Variants in CENPO observed in about 807,000 individuals in gnomAD.
The protein encoded by CENPO is centromere protein O.
CENPO carries 30 observed loss-of-function variants against 36.1 expected under a neutral mutation model. The ratio of observed to expected loss-of-function variants is 0.83; its 90% CI spans 0.62 to 1.13. CENPO has a LOEUF of 1.13. CENPO is among the 50% of genes most tolerant of loss of function. The pLI is 0.00. For synonymous variants in CENPO, 171 were observed against 142.3 expected (o/e 1.20, Z -1.44); for missense variants, 349 against 357.8 (o/e 0.98, Z 0.20).
intron 4 of CENPO, among the ~76,000 whole-genome samples, chr2:24,814,945 A>G (rs1191998108): frequency 6.6e-6 from 1 of 152,224 alleles, no homozygotes; most frequent in Non-Finnish European, 1.5e-5. Context: ...AGAAATAAAG[A>G]ATAGCTATAA....
In CENPO at chr2:24,811,282, C is replaced by CTTTT. The variant is rs70947848; in HGVS notation, c.217-3080_217-3077dup. Among the ~76,000 whole-genome samples, 38 of 105,550 alleles carry CTTTT rather than the reference C, an allele frequency of 3.6e-4. 1 individual carries two copies. Among genetic ancestry groups the CTTTT allele is most frequent in the Admixed American group, 2.5e-4 (2 of 8,148 alleles). 69.2% of individuals were successfully genotyped at this position (105,550 alleles called of 152,430 possible). A position where few individuals can be genotyped will look rare whatever the true frequency, so the allele number is the denominator to read the frequency against. The stretch of plus-strand genomic sequence containing the variant: ...TTAATTGGAGTATTTAGTCCATGAA[C>CTTTT]TTTTTTTTTTTTTTTTTGAGACGGA... On this transcript the variant is annotated intron_variant, in intron 3 of 7. Coordinates refer to ENST00000380834, the MANE Select transcript of CENPO (RefSeq NM_001322101.2).
intron 6 of CENPO, 124 bp from the exon 7 acceptor site, chr2:24,817,546 G>C (rs920708123): frequency 1.6e-6 from 2 of 1,249,640 alleles, no homozygotes; most frequent in Admixed American, 4.0e-5. Context: ...CACTGAGTGA[G>C]ATTGAATGTC....
intron 3 of CENPO, 58 bp downstream of exon 3, chr2:24,799,902 G>A: frequency 6.4e-7 from 1 of 1,572,738 alleles, no homozygotes; most frequent in Non-Finnish European, 8.7e-7. Context: ...AACGTGATTT[G>A]GGAATTGGTG....
intron 5 of CENPO, 144 bp downstream of exon 5, chr2:24,815,900 A>G (rs1047339986): frequency 6.6e-6 from 5 of 759,610 alleles, no homozygotes; most frequent in Non-Finnish European, 8.4e-6. Flanking sequence ...TATTTATATA[A>G]AAGCACTATC....
intron 3 of CENPO, among the ~76,000 whole-genome samples, chr2:24,807,967 G>A (rs1316547484): frequency 2.0e-5 from 3 of 152,170 alleles, no homozygotes; most frequent in Non-Finnish European, 4.4e-5. Context: ...TTTTTATTAG[G>A]TTGTCCATCT....
Position 24,819,961 on chromosome 2 carries a change from G to T in CENPO, c.*643G>T. 2 of 1,613,956 alleles carry T rather than the reference G, an allele frequency of 1.2e-6. No individual in the cohort carries two copies. The highest frequency in any genetic ancestry group is 1.7e-6 in the Non-Finnish European group (2 of 1,179,920). ...GAGTTGTCCACCACCTGGTGGGGCA[G>T]TGTGACAGAGGGGCCATTGGGGAAG... On this transcript the variant is annotated 3_prime_UTR_variant, in exon 8 of 8. Coordinates refer to ENST00000380834, the MANE Select transcript of CENPO (RefSeq NM_001322101.2).
At position 24,820,127 on chromosome 2, in the gene CENPO, G is replaced by A. The variant is rs185920316; in HGVS notation, c.*809G>A. 17 of 1,533,014 alleles carry A rather than the reference G, an allele frequency of 1.1e-5. No individual in the cohort carries two copies. The Admixed American group carries it at 1.2e-4, about 11-fold the overall frequency. 95.0% of individuals were successfully genotyped at this position (1,533,014 alleles called of 1,614,324 possible). On this transcript the variant is annotated 3_prime_UTR_variant, in exon 8 of 8. Transcript: ENST00000380834. ...TTTCTTCTACCACCTGGAGAGGGAG[G>A]GGGAGCAAGAACGTGGCGTTACGGG... is the stretch of plus-strand genomic sequence containing the variant.
chr2:24,817,925 C>A, intron 7 of CENPO, 84 bp downstream of exon 7: 1 of 1,106,652 alleles, frequency 9.0e-7, no homozygotes, highest in Non-Finnish European at 1.3e-6. Context: ...AAAACAGACA[C>A]CTACCTGTTC....
At chr2:24,804,038 G>A (rs534871988) in intron 3 of CENPO, among the ~76,000 whole-genome samples, 38 of 152,286 alleles carry the variant, frequency 2.5e-4, no homozygotes, top group Middle Eastern at 3.4e-3. Context: ...ATATATTTAG[G>A]ATAGTTAGCT....
At chr2:24,802,722 T>C (rs1371520009) in intron 3 of CENPO, among the ~76,000 whole-genome samples, 2 of 152,320 alleles carry the variant, frequency 1.3e-5, no homozygotes, top group East Asian at 1.9e-4. Context: ...CTGCTGGATT[T>C]GGGTTGCCAG....
At chr2:24,809,265 C>T (rs1463495866) in intron 3 of CENPO, among the ~76,000 whole-genome samples, 1 of 152,154 alleles carries the variant, frequency 6.6e-6, no homozygotes, top group Admixed American at 6.5e-5. Context: ...TGTGTTTTAT[C>T]ACTTTTGTGC....
At chr2:24,806,268 T>TC (rs1666400246) in intron 3 of CENPO, among the ~76,000 whole-genome samples, 1 of 152,222 alleles carries the variant, frequency 6.6e-6, no homozygotes, top group East Asian at 1.9e-4. Flanking sequence ...CCCTTGCGCT[T>TC]CCTGGGTGAG....
At chr2:24,816,931 T>A in intron 6 of CENPO, 114 bp downstream of exon 6, 1 of 915,930 alleles carries the variant, frequency 1.1e-6, no homozygotes, top group Non-Finnish European at 1.6e-6. Context: ...TCTGTTTATA[T>A]ACTGTACATT....
At chr2:24,795,837 C>T (rs1484209492) in intron 2 of CENPO, among the ~76,000 whole-genome samples, 1 of 152,156 alleles carries the variant, frequency 6.6e-6, no homozygotes, top group African/African-American at 2.4e-5. Context: ...ACTTCCAGCA[C>T]GGTCCTTGGT....
At chr2:24,798,912 G>A (rs1053527725) in intron 2 of CENPO, among the ~76,000 whole-genome samples, 1 of 149,920 alleles carries the variant, frequency 6.7e-6, no homozygotes, top group Non-Finnish European at 1.5e-5. Flanking sequence ...TCATCCATAT[G>A]AACCCTACAA....
At chr2:24,800,483 C>A (rs1215861957) in intron 3 of CENPO, among the ~76,000 whole-genome samples, 4 of 124,432 alleles carry the variant, frequency 3.2e-5, no homozygotes, top group Non-Finnish European at 3.3e-5. Flanking sequence ...CCCCTCCCCC[C>A]ACCCCACAAC....
At chr2:24,793,737 C>A in intron 1 of CENPO, 115 bp from the exon 2 acceptor site, 1 of 984,114 alleles carries the variant, frequency 1.0e-6, no homozygotes, top group Non-Finnish European at 1.6e-6. Flanking sequence ...GGATCCTAGC[C>A]GTGACATTTG....
intron 2 of CENPO, among the ~76,000 whole-genome samples, chr2:24,798,271 G>A (rs1035103318): frequency 2.6e-5 from 3 of 113,840 alleles, no homozygotes. Flanking sequence ...GTGTGTATGT[G>A]TGTGTATATA....
intron 3 of CENPO, among the ~76,000 whole-genome samples, chr2:24,802,169 A>T (rs534388650): frequency 6.6e-6 from 1 of 152,150 alleles, no homozygotes; most frequent in Admixed American, 6.6e-5. Flanking sequence ...ATTTTTGCAC[A>T]TTGATTTTGT....
Sources: allele counts gnomAD v4.1 joint callset (sites outside exome capture counted in the v4.1 genomes callset), GRCh38; gene constraint gnomAD v4.1.1; transcripts MANE v1.5; gene names NCBI Gene and HGNC (gene_info 2026-07-23, HGNC 2026-07-21).